Variants in KHDRBS2 observed in about 807,000 individuals in gnomAD.
The protein encoded by KHDRBS2 is KH domain-containing, RNA-binding, signal transduction-associated protein 2.
Under a neutral mutation model 44.3 loss-of-function variants are expected in KHDRBS2, and 26 were observed. That is an observed-to-expected ratio of 0.59 (90% confidence interval 0.43 to 0.81). The LOEUF (loss-of-function observed/expected upper bound fraction) is 0.81. KHDRBS2 is among the 40% of genes least tolerant of loss of function. The probability of loss-of-function intolerance (pLI) is 0.00; values close to 1 mark genes in which losing one functional copy is unlikely to be tolerated. For missense variants in KHDRBS2, 476 were observed against 433.1 expected (o/e 1.10, Z -0.88); for synonymous variants, 194 against 151.1 (o/e 1.28, Z -2.08).
intron 4 of KHDRBS2, among the ~76,000 whole-genome samples, chr6:61,957,509 G>GA: frequency 6.6e-6 from 1 of 152,116 alleles, no homozygotes; most frequent in South Asian, 2.1e-4. Context: ...GGCTGCTTTG[G>GA]GGGTGGCTGT....
intron 2 of KHDRBS2, among the ~76,000 whole-genome samples, chr6:62,141,643 T>C (rs191831047): frequency 5.3e-5 from 8 of 152,288 alleles, no homozygotes; most frequent in Admixed American, 2.0e-4. Context: ...CTCATGATTA[T>C]ATTTTTATAG....
chr6:61,905,552 G>C (rs913312853), intron 4 of KHDRBS2, among the ~76,000 whole-genome samples: 1 of 152,056 alleles, frequency 6.6e-6, no homozygotes, highest in Non-Finnish European at 1.5e-5. Context: ...TTCAGATCTG[G>C]GTTAAAGGAG....
At chr6:62,189,904 T>A (rs192997369) in intron 1 of KHDRBS2, among the ~76,000 whole-genome samples, 3 of 152,104 alleles carry the variant, frequency 2.0e-5, no homozygotes, top group African/African-American at 7.2e-5. Context: ...ATAAGAGATG[T>A]AGAATCAGGA....
chr6:61,734,673 TATA>T (rs1430143241), intron 6 of KHDRBS2, among the ~76,000 whole-genome samples: 1 of 152,152 alleles, frequency 6.6e-6, no homozygotes, highest in East Asian at 1.9e-4. Flanking sequence ...AATTATTTAA[TATA>T]ATTCTGTTTT....
intron 6 of KHDRBS2, among the ~76,000 whole-genome samples, chr6:61,773,968 ATTTCTG>A (rs1301155369): frequency 2.1e-4 from 32 of 152,066 alleles, no homozygotes; most frequent in African/African-American, 7.2e-4. Flanking sequence ...AAGCAGCGTT[ATTTCTG>A]AGGGCTCTGT....
In KHDRBS2 at chr6:62,251,374, T is replaced by C. The variant is rs1274921169; in HGVS notation, c.91+34484A>G. ...ATATGTAAAAATATGTAAATTTGGG[T>C]AAAGGGTATATTGGTGTTTATGAAC... On this transcript the variant is annotated intron_variant, in intron 1 of 8. Coordinates refer to ENST00000281156, the MANE Select transcript of KHDRBS2 (RefSeq NM_152688.4). Among the ~76,000 whole-genome samples the C allele has an allele frequency of 3.9e-5, 6 of 151,912 alleles. No individual in the cohort carries two copies. In the East Asian group the frequency reaches 1.2e-3, roughly 30 times the overall value.
At position 62,070,986 on chromosome 6, in the gene KHDRBS2, T is replaced by A. The variant is rs1037033301; in HGVS notation, c.220-22992A>T. ...GTAAAAGTGTTCCTATTTCTCCACA[T>A]CCTCTCCAGCACCTGTTGTTTCCTG... On this transcript the variant is annotated intron_variant, in intron 2 of 8. Coordinates refer to ENST00000281156, the MANE Select transcript of KHDRBS2 (RefSeq NM_152688.4). 2.2e-3 allele frequency among the ~76,000 whole-genome samples: 329 copies of A among 152,260 alleles called. 2 individuals carry two copies. The highest frequency in any genetic ancestry group is 7.7e-3 in the African/African-American group (320 of 41,542).
In KHDRBS2 at chr6:61,894,780, G is replaced by C. The variant is rs149633424; in HGVS notation, c.665C>G (p.Thr222Ser). 6.2e-7 allele frequency: 1 copy of C among 1,613,310 alleles called. No individual in the cohort carries two copies. The highest frequency in any genetic ancestry group is 1.7e-5 in the Admixed American group (1 of 59,940). ...PPPPPGRGVL[T>S]PRGSTVTRGA... The stretch of plus-strand genomic sequence containing the variant: ...ACGGGTTACAGTGCTTCCCCGAGGG[G>C]TGAGAACACCTCGTCCAGGTGGTGG... The change falls in exon 6 of 9, where the codon ACC becomes AGC. Residue 222 changes from threonine to serine, a missense_variant. Transcript: ENST00000281156.
chr6:61,831,547 T>C (rs986532851), intron 6 of KHDRBS2, among the ~76,000 whole-genome samples: 6 of 152,072 alleles, frequency 3.9e-5, no homozygotes, highest in African/African-American at 1.4e-4. Flanking sequence ...TGAGAAAAAT[T>C]GAATTCTGAG....
chr6:61,828,762 C>T (rs140716555), intron 6 of KHDRBS2, among the ~76,000 whole-genome samples: 1 of 152,156 alleles, frequency 6.6e-6, no homozygotes, highest in Non-Finnish European at 1.5e-5. Context: ...TTTACACTGA[C>T]CATCATAAGA....
chr6:62,093,864 G>GTA (rs144150072), intron 2 of KHDRBS2, among the ~76,000 whole-genome samples: 2 of 142,998 alleles, frequency 1.4e-5, no homozygotes, highest in African/African-American at 5.4e-5. Flanking sequence ...TTTTGTGTGT[G>GTA]TGTGTGTGTG....
Position 61,975,857 on chromosome 6 carries a change from G to A in KHDRBS2, c.483+2209C>T, listed in dbSNP as rs1037396806. Among the ~76,000 whole-genome samples, 8 of 152,138 alleles carry A rather than the reference G, an allele frequency of 5.3e-5. No homozygotes were observed. The East Asian group carries it at 5.8e-4, about 11-fold the overall frequency. ...AGGGGGCAGCTACTTTAGATTGTGT[G>A]GTTGGGGAAGAGTTTTCTACAAAGC... On this transcript the variant is annotated intron_variant, in intron 4 of 8. Transcript: ENST00000281156.
At chr6:61,778,979 A>C (rs541128664) in intron 6 of KHDRBS2, among the ~76,000 whole-genome samples, 5 of 152,088 alleles carry the variant, frequency 3.3e-5, no homozygotes, top group African/African-American at 4.8e-5. Flanking sequence ...TTCCACACTG[A>C]CGTTTCCTTT....
At chr6:62,233,736 G>A (rs1037391789) in intron 1 of KHDRBS2, among the ~76,000 whole-genome samples, 2 of 152,042 alleles carry the variant, frequency 1.3e-5, no homozygotes, top group Non-Finnish European at 2.9e-5. Context: ...GAGAACATGT[G>A]GTATTTGGTT....
intron 2 of KHDRBS2, among the ~76,000 whole-genome samples, chr6:62,099,324 C>T (rs577288230): frequency 2.6e-5 from 4 of 152,268 alleles, no homozygotes; most frequent in Admixed American, 1.3e-4. Context: ...TTCTCAGAGC[C>T]TGTGATCACT....
chr6:62,094,950 T>C (rs1800255391), intron 2 of KHDRBS2, among the ~76,000 whole-genome samples: 1 of 152,014 alleles, frequency 6.6e-6, no homozygotes, highest in Non-Finnish European at 1.5e-5. Context: ...ACCTGCTGTT[T>C]TGGTTACTAT....
At chr6:61,904,649 G>A (rs779741962) in intron 4 of KHDRBS2, among the ~76,000 whole-genome samples, 1 of 152,170 alleles carries the variant, frequency 6.6e-6, no homozygotes, top group Non-Finnish European at 1.5e-5. Flanking sequence ...GGCCACACAG[G>A]ATTCCTCTAA....
intron 3 of KHDRBS2, among the ~76,000 whole-genome samples, chr6:61,983,209 TTTCTTTC>T (rs1388764545): frequency 9.4e-5 from 1 of 10,602 alleles, no homozygotes; most frequent in African/African-American, 5.6e-4. Flanking sequence ...ATTTTCTTTC[TTTCTTTC>T]TTTCTTTCTT....
intron 7 of KHDRBS2, among the ~76,000 whole-genome samples, chr6:61,719,418 T>C (rs1214471351): frequency 1.3e-5 from 2 of 152,058 alleles, no homozygotes; most frequent in Admixed American, 6.6e-5. Context: ...TTTCCATGAT[T>C]TCAGAAGGTT....
Sources: allele counts gnomAD v4.1 joint callset (sites outside exome capture counted in the v4.1 genomes callset), GRCh38; gene constraint gnomAD v4.1.1; transcripts MANE v1.5; gene names NCBI Gene and HGNC (gene_info 2026-07-23, HGNC 2026-07-21).